Variants in ANKS6 observed in about 807,000 individuals in gnomAD.
ANKS6 encodes ankyrin repeat and sterile alpha motif domain containing 6.
ANKS6 carries 47 observed loss-of-function variants against 77.9 expected under a neutral mutation model. That is an observed-to-expected ratio of 0.60 (90% CI 0.48 to 0.77). The LOEUF (loss-of-function observed/expected upper bound fraction) is 0.77, where lower values mean the gene tolerates loss of function less well. ANKS6 is among the 30% of genes least tolerant of loss of function. The probability of loss-of-function intolerance (pLI) is 0.00; values close to 1 mark genes in which losing one functional copy is unlikely to be tolerated. For missense variants in ANKS6, 1,150 were observed against 1,159.1 expected (o/e 0.99, Z 0.11); for synonymous variants, 488 against 501.7 (o/e 0.97, Z 0.37).
chr9:98,782,900 TG>T (rs1371885249), intron 4 of ANKS6, among the ~76,000 whole-genome samples: 1 of 152,108 alleles, frequency 6.6e-6, no homozygotes, highest in Admixed American at 6.5e-5. Context: ...CTGGGCAACA[TG>T]GGGGGCCCTG....
Position 98,780,308 on chromosome 9 carries a change from C to A in ANKS6, c.1249G>T (p.Val417Phe). 2 of 1,605,070 alleles carry A rather than the reference C, an allele frequency of 1.2e-6. No homozygotes were observed. The highest frequency in any genetic ancestry group is 1.7e-6 in the Non-Finnish European group (2 of 1,175,474). ...DTELVRLLAS[V>F]CMQVNKDKGR... Reference sequence around the variant, plus strand: ...TTGTCTTTATTCACCTGCATGCAGACAGATGCCAGCAGTCGAACAAGTTCC... The same window carrying A: ...TTGTCTTTATTCACCTGCATGCAGAAAGATGCCAGCAGTCGAACAAGTTCC... Residue 417 changes from valine to phenylalanine, a missense_variant, in exon 6 of 15, where the codon GTC (valine) becomes TTC (phenylalanine). Coordinates refer to ENST00000353234, the MANE Select transcript of ANKS6 (RefSeq NM_173551.5).
At chr9:98,761,113 T>C (rs914288831) in intron 11 of ANKS6, among the ~76,000 whole-genome samples, 2 of 152,238 alleles carry the variant, frequency 1.3e-5, no homozygotes, top group African/African-American at 2.4e-5. Context: ...ATGGTTTTAA[T>C]TTGCATTATC....
chr9:98,735,575 C>A lies in ANKS6; in HGVS notation c.*944G>T. ...GCCTAGAAACTTTGAGCACCAGAGACCTTTACACAATGTGACCCATTAGCC... is the reference window on the plus strand; with the variant it reads ...GCCTAGAAACTTTGAGCACCAGAGAACTTTACACAATGTGACCCATTAGCC... On this transcript the variant is annotated 3_prime_UTR_variant, in exon 15 of 15. Coordinates refer to ENST00000353234, the MANE Select transcript of ANKS6 (RefSeq NM_173551.5). 2.4e-6 allele frequency: 3 copies of A among 1,231,038 alleles called. No individual in the cohort carries two copies. The highest frequency in any genetic ancestry group is 3.0e-6 in the Non-Finnish European group (3 of 987,850). 76.3% of individuals were successfully genotyped at this position (1,231,038 alleles called of 1,614,324 possible).
At chr9:98,741,196 T>C (rs906123313) in intron 14 of ANKS6, among the ~76,000 whole-genome samples, 6 of 152,232 alleles carry the variant, frequency 3.9e-5, no homozygotes, top group Non-Finnish European at 7.3e-5. Flanking sequence ...TCTATGCAAA[T>C]TTATATGAAA....
At chr9:98,756,685 C>T (rs752558829) in intron 11 of ANKS6, 82 bp from the exon 12 acceptor site, 8 of 1,195,738 alleles carry the variant, frequency 6.7e-6, no homozygotes, top group Non-Finnish European at 8.9e-6. Context: ...CAACAGGGAA[C>T]ATGGGTGGTA....
intron 9 of ANKS6, among the ~76,000 whole-genome samples, chr9:98,772,327 G>A (rs1203106183): frequency 6.6e-6 from 1 of 152,204 alleles, no homozygotes; most frequent in East Asian, 1.9e-4. Flanking sequence ...GCAGCCACAA[G>A]CCAAGCGAAG....
intron 3 of ANKS6, chr9:98,784,548 G>C (rs1316507172): frequency 4.5e-6 from 2 of 439,628 alleles, no homozygotes. Context: ...TTGTCACAAA[G>C]AGACTGGAGT....
In ANKS6 at chr9:98,756,534, T is replaced by G; in HGVS notation, c.2212A>C (p.Thr738Pro). ...TTSKSTSPTL[T>P]PSPSPKGHTA... is the part of the protein sequence containing the mutation. ...TGCCCTTTGGGTGAGGGGGAGGGCG[T>G]GAGGGTTGGAGAGGTGCTCTTGGAG... is the stretch of plus-strand genomic sequence containing the variant. Residue 738 changes from threonine (T) to proline (P), a missense_variant, in exon 12 of 15, where the codon ACG becomes CCG. Coordinates refer to ENST00000353234, the MANE Select transcript of ANKS6 (RefSeq NM_173551.5). 3 of 1,602,290 alleles carry G rather than the reference T, an allele frequency of 1.9e-6. No homozygotes were observed. The highest frequency in any genetic ancestry group is 1.7e-6 in the Non-Finnish European group (2 of 1,175,504).
chr9:98,788,360 G>A (rs556536272), intron 2 of ANKS6, among the ~76,000 whole-genome samples: 1 of 152,304 alleles, frequency 6.6e-6, no homozygotes, highest in Non-Finnish European at 1.5e-5. Flanking sequence ...CCTGCAAAAT[G>A]GGGGAATACC....
chr9:98,736,241 G>C lies in ANKS6; in HGVS notation c.*278C>G. ...GGCTCCCGGGGAGGGCAGAGCACAG[G>C]ATGAAAGGAGCTGAGTCCCTGCATC... is the stretch of plus-strand genomic sequence containing the variant. On this transcript the variant is annotated 3_prime_UTR_variant, in exon 15 of 15. Transcript: ENST00000353234. 7.9e-7 allele frequency: 1 copy of C among 1,262,814 alleles called. No individual in the cohort carries two copies. The allele number at this position is 1,262,814 out of a possible 1,614,324, so 78.2% of individuals were successfully genotyped here.
At position 98,735,976 on chromosome 9, in the gene ANKS6, G is replaced by A; in HGVS notation, c.*543C>T. ...GTTTTAAGGGAAGATGTGCCAGGAA[G>A]GCTAACCTCTCACCATAATACATAC... On this transcript the variant is annotated 3_prime_UTR_variant, in exon 15 of 15. Coordinates refer to ENST00000353234, the MANE Select transcript of ANKS6 (RefSeq NM_173551.5). 8.2e-7 allele frequency: 1 copy of A among 1,225,936 alleles called. No homozygotes were observed. Among genetic ancestry groups the A allele is most frequent in the East Asian group, 3.2e-5 (1 of 31,170 alleles). The allele number at this position is 1,225,936 out of a possible 1,614,324, so 75.9% of individuals were successfully genotyped here.
At chr9:98,741,256 G>C (rs1831812065) in intron 14 of ANKS6, among the ~76,000 whole-genome samples, 2 of 152,148 alleles carry the variant, frequency 1.3e-5, no homozygotes, top group African/African-American at 4.8e-5. Context: ...ATTAAAGAAA[G>C]CAGGATATAA....
At chr9:98,767,868 G>A (rs1833386556) in intron 11 of ANKS6, among the ~76,000 whole-genome samples, 1 of 152,228 alleles carries the variant, frequency 6.6e-6, no homozygotes, top group Non-Finnish European at 1.5e-5. Flanking sequence ...CAGCAGCCCA[G>A]TGCCCCTCAA....
Position 98,732,311 on chromosome 9 carries a change from G to T in ANKS6, c.*4208C>A. The stretch of plus-strand genomic sequence containing the variant: ...GCAGCTCTGAGGCAAGAATAAAAGG[G>T]ACGAGTTCCCTGCCCCCTTTTTACC... On this transcript the variant is annotated 3_prime_UTR_variant, in exon 15 of 15. Coordinates refer to ENST00000353234, the MANE Select transcript of ANKS6 (RefSeq NM_173551.5). 1.5e-6 allele frequency: 1 copy of T among 683,430 alleles called. No homozygotes were observed. Among genetic ancestry groups the T allele is most frequent in the Non-Finnish European group, 2.4e-6 (1 of 413,896 alleles). The allele number at this position is 683,430 out of a possible 1,614,324, so 42.3% of individuals were successfully genotyped here. A position where few individuals can be genotyped will look rare whatever the true frequency, so the allele number is the denominator to read the frequency against.
At chr9:98,748,065 T>C (rs950423960) in intron 13 of ANKS6, among the ~76,000 whole-genome samples, 2 of 152,250 alleles carry the variant, frequency 1.3e-5, no homozygotes, top group African/African-American at 2.4e-5. Context: ...CCTCATTTCA[T>C]AGACCCCCTT....
intron 12 of ANKS6, among the ~76,000 whole-genome samples, chr9:98,751,344 C>CA (rs1564183883): frequency 6.6e-6 from 1 of 152,112 alleles, no homozygotes; most frequent in Non-Finnish European, 1.5e-5. Flanking sequence ...TGTGAAGACA[C>CA]AGAGAGTCTG....
chr9:98,750,941 T>C, intron 13 of ANKS6, 88 bp downstream of exon 13: 1 of 1,049,518 alleles, frequency 9.5e-7, no homozygotes, highest in Non-Finnish European at 1.4e-6. Flanking sequence ...GAGATCAATC[T>C]AGGCTTGCAA....
At chr9:98,782,602 C>T in intron 4 of ANKS6, 29 bp from the exon 5 acceptor site, 1 of 1,585,548 alleles carries the variant, frequency 6.3e-7, no homozygotes. Flanking sequence ...GTTACATTCA[C>T]TGAAAGCAAA....
intron 9 of ANKS6, among the ~76,000 whole-genome samples, chr9:98,771,698 T>TC (rs1162669034): frequency 2.0e-5 from 3 of 151,672 alleles, no homozygotes; most frequent in East Asian, 3.9e-4. Context: ...ACCCGGCGGC[T>TC]CCCCCCCATC....
Sources: allele counts gnomAD v4.1 joint callset (sites outside exome capture counted in the v4.1 genomes callset), GRCh38; gene constraint gnomAD v4.1.1; transcripts MANE v1.5; gene names NCBI Gene and HGNC (gene_info 2026-07-23, HGNC 2026-07-21).